TBC1D19: variants seen among roughly 807,000 people sequenced by gnomAD.
The protein encoded by TBC1D19 is TBC1 domain family, member 19.
A neutral mutation model predicts 89.0 loss-of-function variants in TBC1D19; 60 were observed. The ratio of observed to expected loss-of-function variants is 0.67; its 90% CI spans 0.55 to 0.84. The LOEUF (loss-of-function observed/expected upper bound fraction) is 0.84, where lower values mean the gene tolerates loss of function less well. Ranked by LOEUF, TBC1D19 falls within the 40% of genes least tolerant of loss-of-function variation. The pLI, the probability that TBC1D19 is intolerant of heterozygous loss-of-function variation, is 0.00. For synonymous variants in TBC1D19, 189 were observed against 199.7 expected (o/e 0.95, Z 0.45); for missense variants, 500 against 610.8 (o/e 0.82, Z 1.91).
intron 20 of TBC1D19, chr4:26,754,224 GA>G (rs1719141821): frequency 1.9e-5 from 4 of 206,502 alleles, no homozygotes; most frequent in African/African-American, 9.1e-5. Flanking sequence ...TTTCACAGAA[GA>G]AAAACCACTT....
the TBC1D19 span, among the ~76,000 whole-genome samples, chr4:26,771,420 A>G: frequency 5.3e-5 from 8 of 152,236 alleles, no homozygotes; most frequent in African/African-American, 1.9e-4. Context: ...AATAGTCAAG[A>G]TATGGAAACA....
At chr4:26,635,017 A>G (rs190199745) in intron 4 of TBC1D19, among the ~76,000 whole-genome samples, 106 of 152,220 alleles carry the variant, frequency 7.0e-4, no homozygotes, top group African/African-American at 2.5e-3. Flanking sequence ...CTTTTTATCA[A>G]TTCTAGAGCT....
chr4:26,578,813 T>C (rs529128072), intron 1 of TBC1D19, among the ~76,000 whole-genome samples: 78 of 152,368 alleles, frequency 5.1e-4, no homozygotes, highest in South Asian at 4.8e-3. Flanking sequence ...CTATTTCTGA[T>C]GTTCATTTCT....
chr4:26,633,281 A>G (rs934427882), intron 4 of TBC1D19, among the ~76,000 whole-genome samples: 1 of 152,150 alleles, frequency 6.6e-6, no homozygotes, highest in Non-Finnish European at 1.5e-5. Flanking sequence ...TGAGCCTTAA[A>G]GGTCCCTATG....
At chr4:26,727,922 A>G (rs1717411697) in intron 15 of TBC1D19, among the ~76,000 whole-genome samples, 1 of 152,132 alleles carries the variant, frequency 6.6e-6, no homozygotes, top group Non-Finnish European at 1.5e-5. Flanking sequence ...TATGAAATAC[A>G]GTTCTTTCTT....
chr4:26,588,471 T>A (rs982103471), intron 1 of TBC1D19, among the ~76,000 whole-genome samples: 1 of 152,160 alleles, frequency 6.6e-6, no homozygotes, highest in Non-Finnish European at 1.5e-5. Flanking sequence ...TGCTTTGGAT[T>A]TAATTTGCAT....
chr4:26,850,560 A>AAAAAAAAAAG, the TBC1D19 span, among the ~76,000 whole-genome samples: 2 of 148,590 alleles, frequency 1.3e-5, no homozygotes, highest in South Asian at 2.1e-4. Context: ...AAAAAAAAAA[A>AAAAAAAAAAG]AAGAAGAAGA....
At chr4:26,665,589 C>T (rs1711734699) in intron 8 of TBC1D19, among the ~76,000 whole-genome samples, 2 of 151,664 alleles carry the variant, frequency 1.3e-5, no homozygotes, top group Non-Finnish European at 2.9e-5. Context: ...TTTAGCAGAG[C>T]ACTTGATGGT....
At chr4:26,630,314 G>A (rs1039112132) in intron 4 of TBC1D19, among the ~76,000 whole-genome samples, 2 of 152,064 alleles carry the variant, frequency 1.3e-5, no homozygotes, top group South Asian at 2.1e-4. Flanking sequence ...ATAGGTTTGG[G>A]TAAAAGGTAG....
At chr4:26,805,268 G>A in the TBC1D19 span, among the ~76,000 whole-genome samples, 2 of 152,156 alleles carry the variant, frequency 1.3e-5, no homozygotes, top group African/African-American at 4.8e-5. Flanking sequence ...CTGGACCCTC[G>A]TATGTTAAGC....
intron 8 of TBC1D19, among the ~76,000 whole-genome samples, chr4:26,664,688 A>G (rs369846334): frequency 6.6e-6 from 1 of 151,492 alleles, no homozygotes; most frequent in South Asian, 2.1e-4. Flanking sequence ...CTCCCACACA[A>G]TGGGAGGGGA....
chr4:26,719,266 A>G (rs575820906), intron 14 of TBC1D19, among the ~76,000 whole-genome samples: 1 of 152,138 alleles, frequency 6.6e-6, no homozygotes, highest in South Asian at 2.1e-4. Flanking sequence ...TGCTCACAAG[A>G]TCAATCCTTT....
chr4:26,778,065 G>T, the TBC1D19 span, among the ~76,000 whole-genome samples: 1 of 151,202 alleles, frequency 6.6e-6, no homozygotes, highest in Non-Finnish European at 1.5e-5. Context: ...AAAAAAAGAA[G>T]GGGAGGGGAA....
chr4:26,648,777 C>G (rs1173506805), intron 7 of TBC1D19, among the ~76,000 whole-genome samples: 1 of 152,076 alleles, frequency 6.6e-6, no homozygotes, highest in African/African-American at 2.4e-5. Context: ...AAGTTTCTCC[C>G]AAACTCTTCC....
chr4:26,667,665 G>A (rs1220962802), intron 9 of TBC1D19, among the ~76,000 whole-genome samples: 1 of 152,008 alleles, frequency 6.6e-6, no homozygotes, highest in African/African-American at 2.4e-5. Context: ...ATTCTAGTAT[G>A]TGTTTTTTGG....
chr4:26,661,993 G>A (rs1322893337), intron 8 of TBC1D19, among the ~76,000 whole-genome samples: 1 of 152,150 alleles, frequency 6.6e-6, no homozygotes, highest in Non-Finnish European at 1.5e-5. Context: ...GTGTTTTCCA[G>A]TCAGTTTTTA....
intron 13 of TBC1D19, among the ~76,000 whole-genome samples, chr4:26,689,191 A>T (rs1416043303): frequency 1.3e-5 from 2 of 152,118 alleles, no homozygotes; most frequent in African/African-American, 4.8e-5. Flanking sequence ...AAGTATAAAG[A>T]CTTTATAAGA....
At position 26,688,347 on chromosome 4, in the gene TBC1D19, T is replaced by C. The variant is rs1713993797; in HGVS notation, c.894T>C (p.Asp298=). ...GTACTGTCTACTTTTAATTATAGGA[T>C]GTGAAGTTGACAGCAAGCAATGATG... The part of the protein sequence containing the change: ...DLLVDSLIYK[D]VKLTASNDDY... The change falls in exon 13 of 21, where the codon GAT becomes GAC. Residue 298 remains aspartate, a splice_region_variant and synonymous_variant. Transcript: ENST00000264866. 2 of 1,571,756 alleles carry C rather than the reference T, an allele frequency of 1.3e-6. No homozygotes were observed. The highest frequency in any genetic ancestry group is 1.7e-6 in the Non-Finnish European group (2 of 1,153,746).
chr4:26,824,557 G>A, the TBC1D19 span, among the ~76,000 whole-genome samples: 2 of 152,178 alleles, frequency 1.3e-5, no homozygotes, highest in Non-Finnish European at 2.9e-5. Flanking sequence ...CTGAGTGTAT[G>A]TCCTCTGGGT....
Sources: allele counts gnomAD v4.1 joint callset (sites outside exome capture counted in the v4.1 genomes callset), GRCh38; gene constraint gnomAD v4.1.1; transcripts MANE v1.5; gene names NCBI Gene and HGNC (gene_info 2026-07-23, HGNC 2026-07-21).